USP30: variants seen among roughly 807,000 people sequenced by gnomAD.
USP30 encodes the protein ubiquitin specific peptidase 30.
A neutral mutation model predicts 68.2 loss-of-function variants in USP30; 41 were observed. That is an observed-to-expected ratio of 0.60 (90% CI 0.47 to 0.78). The LOEUF is 0.78. Ranked by LOEUF, USP30 falls within the 30% of genes least tolerant of loss-of-function variation. The pLI, the probability that USP30 is intolerant of heterozygous loss-of-function variation, is 0.00. For missense variants in USP30, 522 were observed against 649.4 expected (o/e 0.80, Z 2.13); for synonymous variants, 229 against 253.7 (o/e 0.90, Z 0.93).
Position 109,071,612 on chromosome 12 carries a change from G to A in USP30, c.481G>A (p.Asp161Asn), listed in dbSNP as rs773763399. 1.2e-6 allele frequency: 2 copies of A among 1,613,996 alleles called. No individual in the cohort carries two copies. The highest frequency in any genetic ancestry group is 3.3e-5 in the Admixed American group (2 of 60,000). Residue 161 changes from aspartate (D) to asparagine (N), a missense_variant and splice_region_variant, in exon 5 of 13, where the codon GAT becomes AAT. Asp to Asn is a conservative substitution (Grantham distance 23, BLOSUM62 1). Transcript: ENST00000257548. ...RWQISSFEEQDAHELFHVITS... is the reference protein window; with the variant it reads ...RWQISSFEEQNAHELFHVITS... ...TAAAGAATGCTTTGCCCTATGACAG[G>A]ATGCTCACGAATTATTCCATGTCAT...
At chr12:109,047,431 A>C (rs1566079525) in intron 3 of USP30, among the ~76,000 whole-genome samples, 1 of 152,190 alleles carries the variant, frequency 6.6e-6, no homozygotes, top group Non-Finnish European at 1.5e-5. Flanking sequence ...ATTTTGAGAC[A>C]TTTATTATTG....
At chr12:109,052,537 G>T (rs1349618171), upstream of USP30, 6 of 703,502 alleles carry the variant, frequency 8.5e-6, no homozygotes, top group African/African-American at 3.7e-5. Flanking sequence ...CCCCCTGGGA[G>T]CTGTCCTGCG....
At chr12:109,053,785 C>T (rs2040751690) in intron 1 of USP30, 2 of 271,976 alleles carry the variant, frequency 7.4e-6, no homozygotes, top group Admixed American at 4.9e-5. Context: ...TTTCCAAAGT[C>T]GCCACTTGTC....
intron 3 of USP30, among the ~76,000 whole-genome samples, chr12:109,036,657 T>A (rs930830660): frequency 3.3e-5 from 5 of 152,168 alleles, no homozygotes; most frequent in African/African-American, 9.6e-5. Flanking sequence ...TCTGGGAATG[T>A]CTTAATTCCT....
intron 3 of USP30, among the ~76,000 whole-genome samples, chr12:109,063,878 C>CTTTT (rs1341130766): frequency 3.1e-5 from 4 of 127,268 alleles, no homozygotes; most frequent in Non-Finnish European, 5.0e-5. Context: ...AATTGGGTTT[C>CTTTT]TTTTTTTTTT....
chr12:109,035,001 T>G (rs2040508743), intron 3 of USP30, among the ~76,000 whole-genome samples: 1 of 152,218 alleles, frequency 6.6e-6, no homozygotes, highest in African/African-American at 2.4e-5. Flanking sequence ...TTTTAACCTA[T>G]TTGTGTCTAT....
chr12:109,053,306 T>A (rs1055514884), intron 1 of USP30, among the ~76,000 whole-genome samples: 1 of 152,122 alleles, frequency 6.6e-6, no homozygotes, highest in African/African-American at 2.4e-5. Context: ...TCTGTCTGGG[T>A]CCCTGATGTT....
At chr12:109,073,394 C>A in intron 6 of USP30, 44 bp from the exon 7 acceptor site, 1 of 1,402,388 alleles carries the variant, frequency 7.1e-7, no homozygotes, top group Non-Finnish European at 1.0e-6. Context: ...AGCTTGGTGC[C>A]AAAGGGCTAA....
Position 109,084,965 on chromosome 12 carries a change from C to T in USP30, c.1181C>T (p.Pro394Leu). The change falls in exon 12 of 13, where the codon CCA (proline) becomes CTA (leucine). Residue 394 changes from proline to leucine, a missense_variant. Physicochemically the swap from Pro to Leu is moderately conservative, Grantham distance 98. Transcript: ENST00000257548. ...PGAPTPVLNQ[P>L]GAPKTQIFMN... ...TTTTCTCTTGCAGTTCTGAATCAGC[C>T]AGGGGCCCCCAAAACACAGATTTTT... 1 of 1,599,140 alleles carries T rather than the reference C, an allele frequency of 6.3e-7. No homozygotes were observed. The highest frequency in any genetic ancestry group is 2.3e-5 in the East Asian group (1 of 44,200).
intron 2 of USP30, among the ~76,000 whole-genome samples, chr12:109,025,359 A>G (rs1593216531): frequency 6.6e-6 from 1 of 151,982 alleles, no homozygotes; most frequent in Middle Eastern, 3.4e-3. Context: ...TTATATGAAG[A>G]TATTATTTAT....
intron 3 of USP30, among the ~76,000 whole-genome samples, chr12:109,030,513 C>CTAA (rs1460281233): frequency 6.6e-6 from 1 of 152,138 alleles, no homozygotes; most frequent in Non-Finnish European, 1.5e-5. Context: ...TTCTGGAGAT[C>CTAA]TAACGTACAG....
At chr12:109,082,813 C>T (rs142610740) in intron 10 of USP30, 30 bp from the exon 11 acceptor site, 50 of 1,609,606 alleles carry the variant, frequency 3.1e-5, no homozygotes, top group African/African-American at 1.2e-4. Flanking sequence ...TGAAACAACT[C>T]GGTTCTCCCG....
intron 2 of USP30, among the ~76,000 whole-genome samples, chr12:109,026,437 T>C (rs1213111701): frequency 6.6e-6 from 1 of 151,922 alleles, no homozygotes; most frequent in East Asian, 1.9e-4. Flanking sequence ...CATAACAAAA[T>C]ATCATAGTCT....
chr12:109,026,195 C>T (rs1290448054), intron 2 of USP30, among the ~76,000 whole-genome samples: 4 of 152,168 alleles, frequency 2.6e-5, no homozygotes, highest in African/African-American at 9.7e-5. Context: ...CCCACCTCAG[C>T]CTCCTGAGTA....
intron 3 of USP30, among the ~76,000 whole-genome samples, chr12:109,061,603 T>A (rs78176681): frequency 6.6e-6 from 1 of 151,504 alleles, no homozygotes; most frequent in Non-Finnish European, 1.5e-5. Context: ...AGAGACAGGG[T>A]TTTGACTTGT....
intron 2 of USP30, among the ~76,000 whole-genome samples, chr12:109,025,443 AG>A (rs2040438297): frequency 6.6e-6 from 1 of 152,074 alleles, no homozygotes; most frequent in Non-Finnish European, 1.5e-5. Context: ...TTCACCCCCC[AG>A]CCCCCAAATC....
At chr12:109,076,777 G>C (rs1272611720) in intron 7 of USP30, among the ~76,000 whole-genome samples, 1 of 147,548 alleles carries the variant, frequency 6.8e-6, no homozygotes, top group Admixed American at 6.9e-5. Flanking sequence ...TGTCGCCCAG[G>C]CTGGAGTGCA....
intron 3 of USP30, among the ~76,000 whole-genome samples, chr12:109,058,788 A>G (rs1454523839): frequency 6.6e-6 from 1 of 152,218 alleles, no homozygotes; most frequent in African/African-American, 2.4e-5. Flanking sequence ...TAACAAACTC[A>G]AATGTTCGAC....
chr12:109,058,007 T>G lies in USP30; in HGVS notation c.275T>G (p.Phe92Cys). 6.2e-7 allele frequency: 1 copy of G among 1,614,180 alleles called. No homozygotes were observed. Among genetic ancestry groups the G allele is most frequent in the Non-Finnish European group, 8.5e-7 (1 of 1,180,018 alleles). Residue 92 changes from phenylalanine to cysteine, a missense_variant, in exon 3 of 13, where the codon TTC becomes TGC. By Grantham distance (205) the Phe-to-Cys change is radical. Coordinates refer to ENST00000257548, the MANE Select transcript of USP30 (RefSeq NM_032663.5). ...CAAGGCCTGTCTGCCTGTCCTGCTT[T>G]CATCAGGTGGCTGGAAGAGTTCACC... is the stretch of plus-strand genomic sequence containing the variant. ...LLQGLSACPA[F>C]IRWLEEFTSQ...
Sources: gnomAD v4.1 joint callset for allele counts (sites outside exome capture counted in the v4.1 genomes callset) on GRCh38, gnomAD v4.1.1 for gene constraint, MANE v1.5 for transcripts, NCBI Gene and HGNC (gene_info 2026-07-23, HGNC 2026-07-21) for gene names.